Variants in GPR174 observed in about 807,000 individuals in gnomAD.
The protein encoded by GPR174 is G protein-coupled receptor 174, also known as probable G protein-coupled receptor 174.
GPR174 carries 8 observed loss-of-function variants against 16.5 expected under a neutral mutation model. The observed-to-expected ratio is 0.48, with a 90% CI of 0.28 to 0.87. The LOEUF (loss-of-function observed/expected upper bound fraction) is 0.87. Ranked by LOEUF, GPR174 falls within the 40% of genes least tolerant of loss-of-function variation. The pLI, the probability that GPR174 is intolerant of heterozygous loss-of-function variation, is 0.09. For missense variants in GPR174, 214 were observed against 247.5 expected (o/e 0.86, Z 0.91); for synonymous variants, 111 against 94.8 (o/e 1.17, Z -0.99).
chrX:79,162,263 C>T (rs1026015280), intron 2 of GPR174, among the ~76,000 whole-genome samples: 1 of 111,340 alleles, frequency 9.0e-6, no homozygotes, highest in Non-Finnish European at 1.9e-5. Flanking sequence ...AAATCCTAAT[C>T]AGTTCAATGG....
At chrX:79,161,031 G>A (rs1921222916) in intron 2 of GPR174, among the ~76,000 whole-genome samples, 1 of 112,012 alleles carries the variant, frequency 8.9e-6, no homozygotes, top group African/African-American at 3.2e-5. Flanking sequence ...TAGACTAGAG[G>A]CCTATCACAG....
chrX:79,149,821 GTTT>G (rs34575264), intron 1 of GPR174, among the ~76,000 whole-genome samples: 1 of 82,175 alleles, frequency 1.2e-5, no homozygotes, highest in African/African-American at 4.5e-5. Context: ...ACCTCCCTCA[GTTT>G]TTTTTTTTTT....
intron 1 of GPR174, among the ~76,000 whole-genome samples, chrX:79,147,871 T>C (rs1034130948): frequency 1.8e-5 from 2 of 111,826 alleles, no homozygotes; most frequent in African/African-American, 3.3e-5. Context: ...CCGAGTGCTA[T>C]CTGAGATCTG....
intron 2 of GPR174, among the ~76,000 whole-genome samples, chrX:79,158,376 A>G (rs5912780): frequency 0.077 from 8,272 of 106,974 alleles, 349 homozygotes; most frequent in South Asian, 0.17. Context: ...TAACATTCAT[A>G]TGTTAGTGAT....
At chrX:79,155,420 T>C (rs1020099669) in intron 1 of GPR174, among the ~76,000 whole-genome samples, 8 of 111,538 alleles carry the variant, frequency 7.2e-5, no homozygotes, top group Non-Finnish European at 1.3e-4. Context: ...AAAATAACTT[T>C]ACTGTGTGTT....
intron 1 of GPR174, among the ~76,000 whole-genome samples, chrX:79,147,061 A>G (rs191812086): frequency 1.2e-3 from 131 of 112,000 alleles, no homozygotes; most frequent in African/African-American, 4.0e-3. Flanking sequence ...TCAGAGAATA[A>G]GAAATTGTCA....
chrX:79,149,594 G>A (rs1001690134), intron 1 of GPR174, among the ~76,000 whole-genome samples: 3 of 111,403 alleles, frequency 2.7e-5, no homozygotes, highest in African/African-American at 9.8e-5. Context: ...AGTTTATTAG[G>A]GTTAAAAAGA....
intron 2 of GPR174, among the ~76,000 whole-genome samples, chrX:79,158,330 TA>T (rs772002970): frequency 5.5e-5 from 6 of 109,008 alleles, no homozygotes; most frequent in Non-Finnish European, 9.6e-5. Flanking sequence ...GAGACAGGGA[TA>T]AAAAATTAGG....
At chrX:79,158,117 A>G (rs1297244137) in intron 2 of GPR174, among the ~76,000 whole-genome samples, 5 of 105,932 alleles carry the variant, frequency 4.7e-5, no homozygotes, top group Non-Finnish European at 9.8e-5. Context: ...CCAAACTAAT[A>G]TATGGGTTTA....
chrX:79,169,970 C>A (rs1487720361), intron 2 of GPR174, among the ~76,000 whole-genome samples: 1 of 111,963 alleles, frequency 8.9e-6, no homozygotes, highest in African/African-American at 3.2e-5. Flanking sequence ...TGAAAAGATA[C>A]AAATTGCATA....
At chrX:79,153,138 G>GT (rs1043173868) in intron 1 of GPR174, among the ~76,000 whole-genome samples, 3 of 112,126 alleles carry the variant, frequency 2.7e-5, no homozygotes, top group Admixed American at 9.4e-5. Context: ...CCACTTTAAG[G>GT]TCTGTTGTAT....
At chrX:79,168,539 ATT>A (rs71903156) in intron 2 of GPR174, among the ~76,000 whole-genome samples, 1 of 105,245 alleles carries the variant, frequency 9.5e-6, no homozygotes, top group Non-Finnish European at 2.0e-5. Context: ...ATCTCTACAA[ATT>A]TTTTTTTTTG....
chrX:79,171,812 G>T lies in GPR174; in HGVS notation c.805G>T (p.Val269Leu). The change falls in exon 3 of 3, where the codon GTG becomes TTG. Residue 269 changes from valine (V) to leucine (L), a missense_variant. Coordinates refer to ENST00000645147, the MANE Select transcript of GPR174 (RefSeq NM_032553.3). ...NEIKSCLARR[V>L]ILIFHSVALC... The stretch of plus-strand genomic sequence containing the variant: ...AATTAAAAGCTGCCTAGCCAGAAGG[G>T]TGATTCTAATATTTCATTCTGTGGC... 2 of 1,210,280 alleles carry T rather than the reference G, an allele frequency of 1.7e-6. No individual in the cohort carries two copies. Among genetic ancestry groups the T allele is most frequent in the Non-Finnish European group, 2.2e-6 (2 of 894,803 alleles).
chrX:79,157,885 T>G (rs1258232475), intron 2 of GPR174, among the ~76,000 whole-genome samples: 1 of 109,658 alleles, frequency 9.1e-6, no homozygotes, highest in Non-Finnish European at 1.9e-5. Flanking sequence ...ACAAAATGAC[T>G]GTACAGTTCA....
At chrX:79,153,112 G>A (rs1368530120) in intron 1 of GPR174, among the ~76,000 whole-genome samples, 3 of 112,325 alleles carry the variant, frequency 2.7e-5, no homozygotes, top group African/African-American at 6.5e-5. Context: ...CAGAAATGCT[G>A]TATGGAATAG....
chrX:79,172,105 G>C lies in GPR174; in HGVS notation c.*96G>C. 1.1e-6 allele frequency: 1 copy of C among 893,112 alleles called. No homozygotes were observed. Among genetic ancestry groups the C allele is most frequent in the Admixed American group, 3.2e-5 (1 of 31,525 alleles). 73.6% of individuals were successfully genotyped at this position (893,112 alleles called of 1,213,427 possible). ...AGGGAAGAACTTGCAAAACAACACA[G>C]CTTTTCAGTTCTGCTCTATCTTACT... On this transcript the variant is annotated 3_prime_UTR_variant, in exon 3 of 3. Transcript: ENST00000645147.
At chrX:79,150,113 C>T (rs1248609101) in intron 1 of GPR174, among the ~76,000 whole-genome samples, 1 of 111,433 alleles carries the variant, frequency 9.0e-6, no homozygotes, top group Non-Finnish European at 1.9e-5. Flanking sequence ...ATATCTGTGA[C>T]ATAGTCCAAT....
intron 2 of GPR174, among the ~76,000 whole-genome samples, chrX:79,166,411 C>CTT (rs66493560): frequency 6.4e-5 from 5 of 78,511 alleles, no homozygotes; most frequent in African/African-American, 2.4e-4. Flanking sequence ...TTAAAGGGAT[C>CTT]TTTTTTTTCT....
intron 2 of GPR174, among the ~76,000 whole-genome samples, chrX:79,162,455 A>T (rs932595062): frequency 8.9e-6 from 1 of 112,302 alleles, no homozygotes; most frequent in Non-Finnish European, 1.9e-5. Flanking sequence ...TCAAATGTAA[A>T]TGTTTTTCAG....
Sources: gnomAD v4.1 joint callset for allele counts (sites outside exome capture counted in the v4.1 genomes callset) on GRCh38, gnomAD v4.1.1 for gene constraint, MANE v1.5 for transcripts, NCBI Gene and HGNC (gene_info 2026-07-23, HGNC 2026-07-21) for gene names.